The following PRUNE2 variants were observed in gnomAD, a reference collection of about 807,000 sequenced individuals.
The protein encoded by PRUNE2 is prune homolog 2 with BCH domain, also known as protein prune homolog 2.
In PRUNE2, 164 loss-of-function variants were observed where a neutral mutation model predicts 252.0. That is an observed-to-expected ratio of 0.65 (90% CI 0.57 to 0.74). The LOEUF is 0.74. PRUNE2 is among the 30% of genes least tolerant of loss of function. The pLI is 0.00. For synonymous variants in PRUNE2, 1,292 were observed against 1,350.2 expected, an observed-to-expected ratio of 0.96 and a Z score of 0.94; for missense variants, 3,495 against 3,711.0, an observed-to-expected ratio of 0.94 and a Z score of 1.51.
chr9:76,641,029 T>A (rs1163681608), intron 12 of PRUNE2, among the ~76,000 whole-genome samples: 1 of 152,210 alleles, frequency 6.6e-6, no homozygotes, highest in Non-Finnish European at 1.5e-5. Flanking sequence ...GTACTTCAGA[T>A]GTCATTTTAA....
intron 6 of PRUNE2, among the ~76,000 whole-genome samples, chr9:76,731,270 T>C (rs1347565890): frequency 2.9e-5 from 4 of 138,130 alleles, no homozygotes; most frequent in African/African-American, 8.6e-5. Flanking sequence ...TATAAACATA[T>C]ATTCCCTCTC....
intron 16 of PRUNE2, among the ~76,000 whole-genome samples, chr9:76,628,219 C>T (rs898877270): frequency 1.9e-4 from 29 of 152,102 alleles, no homozygotes; most frequent in African/African-American, 4.3e-4. Context: ...GTTCATTCTC[C>T]GATATCCCTG....
At position 76,613,223 on chromosome 9, in the gene PRUNE2, ACTAT is replaced by A. The variant is rs1208236466; in HGVS notation, c.*1343_*1346del. 3 of 152,316 alleles carry A rather than the reference ACTAT, an allele frequency of 2.0e-5. No individual in the cohort carries two copies. Among genetic ancestry groups the A allele is most frequent in the South Asian group, 2.1e-4 (1 of 4,832 alleles). 9.4% of individuals were successfully genotyped at this position (152,316 alleles called of 1,614,324 possible). On this transcript the variant is annotated 3_prime_UTR_variant, in exon 19 of 19. Transcript: ENST00000376718. ...CTCATTTGTCCGTTCTGTTAGAGAA[ACTAT>A]CTAAATACAAATTGGGGTGGAGTAG...
At chr9:76,651,680 A>C (rs1847463740) in intron 11 of PRUNE2, among the ~76,000 whole-genome samples, 2 of 152,048 alleles carry the variant, frequency 1.3e-5, no homozygotes, top group South Asian at 4.1e-4. Flanking sequence ...GAACTAAAGA[A>C]AGACTGAAGT....
chr9:76,650,533 C>T (rs1200848307), intron 11 of PRUNE2, among the ~76,000 whole-genome samples: 1 of 152,168 alleles, frequency 6.6e-6, no homozygotes, highest in Non-Finnish European at 1.5e-5. Flanking sequence ...ATCCAACCCT[C>T]TTATACAGTC....
chr9:76,724,327 AGCCAGG>A, intron 6 of PRUNE2, among the ~76,000 whole-genome samples: 1 of 125,854 alleles, frequency 7.9e-6, no homozygotes, highest in East Asian at 2.2e-4. Flanking sequence ...AAAAAAAAAT[AGCCAGG>A]CATGGTGGTG....
rs777318057 is a variant in PRUNE2, at chr9:76,706,695, G to A, written c.5579C>T (p.Ser1860Leu). The A allele has an allele frequency of 6.2e-7, 1 of 1,613,540 alleles. No homozygotes were observed. Among genetic ancestry groups the A allele is most frequent in the Non-Finnish European group, 8.5e-7 (1 of 1,179,734 alleles). Reference sequence around the variant, plus strand: ...CCAGGGACTGGCATTTTGGTGTACTGAAGAATTTATCTCCAACACACCACT... The same window carrying A: ...CCAGGGACTGGCATTTTGGTGTACTAAAGAATTTATCTCCAACACACCACT... ...DSSGVLEINSSVHQNASPWGV... is the reference protein window; with the variant it reads ...DSSGVLEINSLVHQNASPWGV... Residue 1860 changes from serine to leucine, a missense_variant, in exon 8 of 19, where the codon TCA becomes TTA. Coordinates refer to ENST00000376718, the MANE Select transcript of PRUNE2 (RefSeq NM_015225.3).
intron 9 of PRUNE2, among the ~76,000 whole-genome samples, chr9:76,687,913 A>G (rs983646799): frequency 4.6e-5 from 7 of 152,236 alleles, no homozygotes; most frequent in Non-Finnish European, 1.0e-4. Flanking sequence ...GCAATCTAGA[A>G]GCCTCCAATA....
intron 6 of PRUNE2, among the ~76,000 whole-genome samples, chr9:76,772,656 C>A (rs937757644): frequency 1.1e-4 from 16 of 152,242 alleles, no homozygotes; most frequent in African/African-American, 3.9e-4. Flanking sequence ...CTTGGCCTCC[C>A]AGACTCAAGC....
At chr9:76,764,333 TAA>T (rs1355181527) in intron 6 of PRUNE2, 1 of 152,238 alleles carries the variant, frequency 6.6e-6, no homozygotes, top group Non-Finnish European at 1.5e-5. Context: ...AAGGAAGGTT[TAA>T]ACTGGGAAAT....
At chr9:76,750,839 T>A (rs555263685) in intron 6 of PRUNE2, among the ~76,000 whole-genome samples, 3 of 152,192 alleles carry the variant, frequency 2.0e-5, no homozygotes, top group Non-Finnish European at 2.9e-5. Flanking sequence ...TAGAAATCAA[T>A]GAAAGGTCAG....
At chr9:76,720,695 G>A in intron 6 of PRUNE2, among the ~76,000 whole-genome samples, 1 of 152,012 alleles carries the variant, frequency 6.6e-6, no homozygotes. Context: ...GTGGGGACTG[G>A]TTATGACAAT....
At chr9:76,848,803 T>TCTACAGGTGCC in intron 3 of PRUNE2, among the ~76,000 whole-genome samples, 1 of 152,252 alleles carries the variant, frequency 6.6e-6, no homozygotes, top group Non-Finnish European at 1.5e-5. Flanking sequence ...TTAGCAATGC[T>TCTACAGGTGCC]TAAGTATTTA....
intron 1 of PRUNE2, among the ~76,000 whole-genome samples, chr9:76,880,875 AT>A (rs1307745709): frequency 1.3e-5 from 2 of 152,006 alleles, no homozygotes; most frequent in African/African-American, 2.4e-5. Flanking sequence ...AAAATAAATA[AT>A]TTTTTCCCAT....
intron 12 of PRUNE2, among the ~76,000 whole-genome samples, chr9:76,643,003 C>A (rs1463290898): frequency 6.6e-6 from 1 of 152,082 alleles, no homozygotes; most frequent in African/African-American, 2.4e-5. Context: ...GAGCAAATGG[C>A]AAAGGGAGGA....
intron 3 of PRUNE2, among the ~76,000 whole-genome samples, chr9:76,848,736 T>C (rs1291735379): frequency 6.6e-6 from 1 of 152,220 alleles, no homozygotes; most frequent in Non-Finnish European, 1.5e-5. Flanking sequence ...CATAAAGTCT[T>C]TGATGGCAGA....
intron 1 of PRUNE2, among the ~76,000 whole-genome samples, chr9:76,885,426 T>C (rs986945554): frequency 9.9e-5 from 15 of 151,948 alleles, no homozygotes; most frequent in African/African-American, 2.4e-4. Context: ...CCAGGGAAAA[T>C]TGGGGCTCAA....
At chr9:76,824,581 T>C (rs192083332) in intron 5 of PRUNE2, among the ~76,000 whole-genome samples, 9 of 152,304 alleles carry the variant, frequency 5.9e-5, no homozygotes, top group Admixed American at 3.3e-4. Context: ...AGTTGACCAA[T>C]GGAACTCAAT....
chr9:76,629,292 TAAAAAA>T lies in PRUNE2; in HGVS notation c.9051-8_9051-3del. The T allele has an allele frequency of 8.6e-7, 1 of 1,161,084 alleles. No individual in the cohort carries two copies. Among genetic ancestry groups the T allele is most frequent in the Non-Finnish European group, 1.2e-6 (1 of 839,758 alleles). 71.9% of individuals were successfully genotyped at this position (1,161,084 alleles called of 1,614,324 possible). ...TTAATTTTACTGCTGAATTTTGAAC[TAAAAAA>T]AAAAAAAAGAAAAAAATATGTATCA... On this transcript the variant is annotated splice_region_variant and splice_polypyrimidine_tract_variant and intron_variant, in intron 15 of 18. Transcript: ENST00000376718.
Sources: allele counts gnomAD v4.1 joint callset (sites outside exome capture counted in the v4.1 genomes callset), GRCh38; gene constraint gnomAD v4.1.1; transcripts MANE v1.5; gene names NCBI Gene and HGNC (gene_info 2026-07-23, HGNC 2026-07-21).